Variants in SPATA13 observed in about 807,000 individuals in gnomAD.
SPATA13 encodes the protein spermatogenesis associated 13.
A neutral mutation model predicts 104.0 loss-of-function variants in SPATA13; 50 were observed. The observed-to-expected ratio is 0.48, with a 90% CI of 0.38 to 0.61. SPATA13 has a LOEUF of 0.61. SPATA13 is among the 20% of genes least tolerant of loss of function. The probability of loss-of-function intolerance (pLI) is 0.00; values close to 1 mark genes in which losing one functional copy is unlikely to be tolerated. For missense variants in SPATA13, 1,524 were observed against 1,690.6 expected (o/e 0.90, Z 1.73); for synonymous variants, 606 against 667.5 (o/e 0.91, Z 1.42).
chr13:24,278,948 CCCTCCT>C, intron 4 of SPATA13: 4 of 792,126 alleles, frequency 5.0e-6, no homozygotes, highest in Non-Finnish European at 3.6e-6. Flanking sequence ...TTCCTTCCTT[CCCTCCT>C]TCCTTCCTTC....
At chr13:24,014,504 C>T (rs1246447718) in intron 2 of SPATA13, among the ~76,000 whole-genome samples, 1 of 152,164 alleles carries the variant, frequency 6.6e-6, no homozygotes, top group Non-Finnish European at 1.5e-5. Context: ...GTTATATGTA[C>T]TGTATACTGT....
Position 24,289,054 on chromosome 13 carries a change from C to G in SPATA13, c.2723C>G (p.Ala908Gly). The stretch of plus-strand genomic sequence containing the variant: ...GGAATGTTCACCGTTGCGCAGCTAG[C>G]CACTATTTTTGGAAACATTGAAGAT... ...HTGMFTVAQL[A>G]TIFGNIEDIY... is the part of the protein sequence containing the mutation. Residue 908 changes from alanine (A) to glycine (G), a missense_variant, in exon 8 of 13, where the codon GCC (alanine) becomes GGC (glycine). Physicochemically the swap from Ala to Gly is moderately conservative, Grantham distance 60. Coordinates refer to ENST00000382108, the MANE Select transcript of SPATA13 (RefSeq NM_001166271.3). The G allele has an allele frequency of 1.2e-6, 2 of 1,613,956 alleles. No individual in the cohort carries two copies. Among genetic ancestry groups the G allele is most frequent in the Non-Finnish European group, 1.7e-6 (2 of 1,179,980 alleles).
chr13:24,300,657 G>A, intron 12 of SPATA13, 182 bp downstream of exon 12: 1 of 612,096 alleles, frequency 1.6e-6, no homozygotes, highest in Non-Finnish European at 3.0e-6. Context: ...TTTTGAATGT[G>A]CGTCAGTGTT....
At chr13:24,247,229 C>T (rs1472188691) in intron 2 of SPATA13, among the ~76,000 whole-genome samples, 1 of 152,140 alleles carries the variant, frequency 6.6e-6, no homozygotes, top group African/African-American at 2.4e-5. Context: ...CTGTGGACAG[C>T]AGCAAAGGGG....
At chr13:24,165,418 G>C (rs1882685164) in intron 1 of SPATA13, among the ~76,000 whole-genome samples, 2 of 152,290 alleles carry the variant, frequency 1.3e-5, no homozygotes, top group South Asian at 2.1e-4. Context: ...AGCAGGCTTT[G>C]TTTCTTAACA....
At chr13:24,121,063 T>A (rs985106004) in intron 3 of SPATA13, among the ~76,000 whole-genome samples, 2 of 152,196 alleles carry the variant, frequency 1.3e-5, no homozygotes, top group Non-Finnish European at 2.9e-5. Flanking sequence ...AGATTGCATA[T>A]ATAGATGTTC....
At chr13:24,211,735 A>C (rs7323080) in intron 1 of SPATA13, among the ~76,000 whole-genome samples, 1 of 151,696 alleles carries the variant, frequency 6.6e-6, no homozygotes, top group African/African-American at 2.4e-5. Context: ...GGCACTGACG[A>C]TGATGGCCTC....
intron 3 of SPATA13, among the ~76,000 whole-genome samples, chr13:24,151,472 T>C (rs891557865): frequency 6.6e-6 from 1 of 152,254 alleles, no homozygotes; most frequent in African/African-American, 2.4e-5. Flanking sequence ...GCTGTAATAT[T>C]GAATGTTTCA....
Position 24,039,215 on chromosome 13 carries a change from A to C in SPATA13, c.-112+21514A>C, listed in dbSNP as rs142823327. 4.5e-3 allele frequency among the ~76,000 whole-genome samples: 680 copies of C among 152,310 alleles called. 9 individuals are homozygous for C. Among genetic ancestry groups the C allele is most frequent in the African/African-American group, 0.015 (642 of 41,552 alleles). ...CCACAGTGCTAGAAACACTGTCTTG[A>C]TTGTTCCACTTTTAATTCTGCCTTT... is the stretch of plus-strand genomic sequence containing the variant. On this transcript the variant is annotated intron_variant, in intron 3 of 14. Coordinates refer to the SPATA13 transcript ENST00000424834.
At chr13:24,250,420 A>C (rs1703684639) in intron 3 of SPATA13, among the ~76,000 whole-genome samples, 1 of 152,216 alleles carries the variant, frequency 6.6e-6, no homozygotes, top group African/African-American at 2.4e-5. Context: ...TCCAGTGAGC[A>C]CTTTGAAAAT....
At chr13:24,201,934 T>C (rs1315450459) in intron 1 of SPATA13, among the ~76,000 whole-genome samples, 1 of 152,178 alleles carries the variant, frequency 6.6e-6, no homozygotes, top group Non-Finnish European at 1.5e-5. Context: ...CAGAATGTCA[T>C]GTAGTTGGAA....
At chr13:24,222,359 C>T (rs1033929530) in intron 1 of SPATA13, among the ~76,000 whole-genome samples, 2 of 152,192 alleles carry the variant, frequency 1.3e-5, no homozygotes, top group African/African-American at 4.8e-5. Flanking sequence ...CTTATTCCTG[C>T]GTGTGCCAGC....
chr13:24,004,995 A>G (rs991621600), intron 2 of SPATA13, among the ~76,000 whole-genome samples: 5 of 152,224 alleles, frequency 3.3e-5, no homozygotes, highest in African/African-American at 4.8e-5. Context: ...CTGAAAATGA[A>G]TCTACATTCC....
At chr13:24,278,873 T>TTTCCTTCCTTCCTTCCTTCCTTCC (rs55973344) in intron 4 of SPATA13, 2 of 1,117,170 alleles carry the variant, frequency 1.8e-6, no homozygotes, top group African/African-American at 4.4e-5. Flanking sequence ...GCTGTTTTTC[T>TTTCCTTCCTTCCTTCCTTCCTTCC]TTCCTTCCTT....
intron 2 of SPATA13, among the ~76,000 whole-genome samples, chr13:24,249,238 G>T (rs1169090822): frequency 2.0e-5 from 3 of 152,154 alleles, no homozygotes; most frequent in African/African-American, 7.2e-5. Flanking sequence ...TTCAATTATG[G>T]TTATTGAAAT....
intron 3 of SPATA13, among the ~76,000 whole-genome samples, chr13:24,036,013 C>CAAAAAAAAA (rs56837096): frequency 8.9e-6 from 1 of 112,532 alleles, no homozygotes; most frequent in Non-Finnish European, 1.9e-5. Context: ...GACCCTGTCT[C>CAAAAAAAAA]AAAAAAAAAA....
At chr13:24,273,338 A>G (rs1327531253) in intron 4 of SPATA13, among the ~76,000 whole-genome samples, 1 of 152,208 alleles carries the variant, frequency 6.6e-6, no homozygotes, top group Non-Finnish European at 1.5e-5. Context: ...GTGAAGCTAT[A>G]CATTAAGAGA....
upstream of SPATA13, among the ~76,000 whole-genome samples, chr13:24,160,534 G>A (rs569255125): frequency 1.1e-4 from 17 of 152,310 alleles, 1 homozygote; most frequent in Admixed American, 8.5e-4. Flanking sequence ...AAGAGCCACT[G>A]CGCCTGGCCG....
chr13:24,208,868 G>C (rs1870859121), intron 1 of SPATA13, among the ~76,000 whole-genome samples: 1 of 152,190 alleles, frequency 6.6e-6, no homozygotes, highest in Non-Finnish European at 1.5e-5. Context: ...CTCAAGAGGT[G>C]AATACTGTAT....
Sources: gnomAD v4.1 joint callset for allele counts (sites outside exome capture counted in the v4.1 genomes callset) on GRCh38, gnomAD v4.1.1 for gene constraint, MANE v1.5 for transcripts, NCBI Gene and HGNC (gene_info 2026-07-23, HGNC 2026-07-21) for gene names.